Variants in KCNAB1 observed in about 807,000 individuals in gnomAD.
KCNAB1 encodes the protein potassium voltage-gated channel subfamily A regulatory beta subunit 1, also known as voltage-gated potassium channel subunit beta-1.
A neutral mutation model predicts 64.6 loss-of-function variants in KCNAB1; 35 were observed. The observed-to-expected ratio is 0.54, with a 90% CI of 0.41 to 0.72. KCNAB1 has a LOEUF of 0.72. Among genes scored for constraint, KCNAB1 ranks in the 30% least tolerant of loss-of-function variants. The pLI is 0.00. For synonymous variants in KCNAB1, 177 were observed against 183.8 expected, an observed-to-expected ratio of 0.96 and a Z score of 0.30; for missense variants, 401 against 512.9, an observed-to-expected ratio of 0.78 and a Z score of 2.11.
rs189711832 is a variant in KCNAB1 at position 156,536,362 on chromosome 3, A to T, written c.1171-296A>T. Reference sequence around the variant, plus strand: ...TTTCACTGTTCTTTTTAAGGTATCTAATAGAAAATTTTAAATTACAAATGT... The same window carrying T: ...TTTCACTGTTCTTTTTAAGGTATCTTATAGAAAATTTTAAATTACAAATGT... On this transcript the variant is annotated intron_variant, in intron 13 of 13. Coordinates refer to ENST00000490337, the MANE Select transcript of KCNAB1 (RefSeq NM_172160.3). Among the ~76,000 whole-genome samples, 1,251 of 152,364 alleles carry T rather than the reference A, an allele frequency of 8.2e-3. 19 individuals are homozygous for T. The highest frequency in any genetic ancestry group is 0.029 in the African/African-American group (1,212 of 41,588).
rs557108995 is a variant in KCNAB1, at chr3:156,140,269, T to C, written c.275+19383T>C. On this transcript the variant is annotated intron_variant, in intron 1 of 13. Coordinates refer to ENST00000490337, the MANE Select transcript of KCNAB1 (RefSeq NM_172160.3). ...ACAAGTGATAAGGTTTTTCTGTTTATGGTGGTAGTAAGATAATGTTTTCTG... is the reference window on the plus strand; with the variant it reads ...ACAAGTGATAAGGTTTTTCTGTTTACGGTGGTAGTAAGATAATGTTTTCTG... Among the ~76,000 whole-genome samples the C allele has an allele frequency of 8.5e-5, 13 of 152,318 alleles. No individual in the cohort carries two copies. In the South Asian group the frequency reaches 2.7e-3, roughly 32 times the overall value.
At chr3:156,208,242 T>C (rs1714786660) in intron 1 of KCNAB1, among the ~76,000 whole-genome samples, 1 of 152,146 alleles carries the variant, frequency 6.6e-6, no homozygotes, top group South Asian at 2.1e-4. Flanking sequence ...TTGCCGCTGC[T>C]CCTACTTGAT....
At chr3:156,124,792 A>T (rs930801104) in intron 1 of KCNAB1, among the ~76,000 whole-genome samples, 6 of 152,006 alleles carry the variant, frequency 3.9e-5, no homozygotes, top group African/African-American at 9.7e-5. Flanking sequence ...TATTTAATGA[A>T]CTTTTCCGGG....
chr3:156,298,539 G>A (rs1720943873), intron 1 of KCNAB1, among the ~76,000 whole-genome samples: 1 of 152,078 alleles, frequency 6.6e-6, no homozygotes, highest in South Asian at 2.1e-4. Flanking sequence ...CATTCAAAAG[G>A]AAAATCAGAT....
In KCNAB1 at chr3:156,410,209, T is replaced by A. The variant is rs1414776893; in HGVS notation, c.276-11407T>A. Among the ~76,000 whole-genome samples the A allele has an allele frequency of 3.3e-5, 5 of 152,226 alleles. No homozygotes were observed. In the East Asian group the frequency reaches 9.6e-4, roughly 29 times the overall value. The stretch of plus-strand genomic sequence containing the variant: ...TTCAAGGCTTCCTTACTGCATTTTT[T>A]ATTTGTCAACCCTAGTATTCAACTC... On this transcript the variant is annotated intron_variant, in intron 1 of 13. Coordinates refer to ENST00000490337, the MANE Select transcript of KCNAB1 (RefSeq NM_172160.3).
At chr3:156,282,839 T>C (rs1367523960) in intron 1 of KCNAB1, among the ~76,000 whole-genome samples, 2 of 150,012 alleles carry the variant, frequency 1.3e-5, no homozygotes, top group African/African-American at 2.5e-5. Flanking sequence ...CTCCATCCTT[T>C]TATTTTGAGC....
At chr3:156,224,015 G>A (rs973499343) in intron 1 of KCNAB1, among the ~76,000 whole-genome samples, 1 of 152,212 alleles carries the variant, frequency 6.6e-6, no homozygotes, top group East Asian at 1.9e-4. Flanking sequence ...CAGTTGGTTG[G>A]GGGGGATGTG....
At chr3:156,231,016 TG>T (rs1716487549) in intron 1 of KCNAB1, among the ~76,000 whole-genome samples, 1 of 152,168 alleles carries the variant, frequency 6.6e-6, no homozygotes, top group African/African-American at 2.4e-5. Context: ...ACTTCTGTGT[TG>T]ATGATTTGGG....
At chr3:156,461,319 G>A (rs1273951771) in intron 5 of KCNAB1, among the ~76,000 whole-genome samples, 4 of 152,214 alleles carry the variant, frequency 2.6e-5, no homozygotes, top group Non-Finnish European at 4.4e-5. Context: ...TCTGGGTAAA[G>A]TTCTTCCTTG....
In KCNAB1 at chr3:156,208,308, C is replaced by T. The variant is rs562019593; in HGVS notation, c.275+87422C>T. On this transcript the variant is annotated intron_variant, in intron 1 of 13. Transcript: ENST00000490337. Reference sequence around the variant, plus strand: ...TTTCTAACTTCTCTCCCAATGTCTACCCTTCTTTTTGATGCTCCTCCTTTT... The same window carrying T: ...TTTCTAACTTCTCTCCCAATGTCTATCCTTCTTTTTGATGCTCCTCCTTTT... Among the ~76,000 whole-genome samples the T allele has an allele frequency of 2.3e-3, 356 of 152,248 alleles. 2 individuals are homozygous for T. The highest frequency in any genetic ancestry group is 7.8e-3 in the African/African-American group (326 of 41,546).
At chr3:156,520,317 A>T (rs1036301805) in intron 11 of KCNAB1, among the ~76,000 whole-genome samples, 1 of 152,236 alleles carries the variant, frequency 6.6e-6, no homozygotes, top group Non-Finnish European at 1.5e-5. Context: ...GTGGTGGCTC[A>T]TATCTGTAAT....
chr3:156,137,290 A>G (rs1714409425), intron 1 of KCNAB1, among the ~76,000 whole-genome samples: 1 of 152,228 alleles, frequency 6.6e-6, no homozygotes, highest in South Asian at 2.1e-4. Context: ...GATAAGGAAA[A>G]GGAATCAGGT....
chr3:156,132,738 A>G (rs80270694), intron 1 of KCNAB1, among the ~76,000 whole-genome samples: 1,916 of 152,320 alleles, frequency 0.013, 43 homozygotes, highest in African/African-American at 0.043. Context: ...GTTCATTTAA[A>G]CAGTGTAATC....
At chr3:156,181,016 C>G (rs1712775751) in intron 1 of KCNAB1, among the ~76,000 whole-genome samples, 1 of 152,182 alleles carries the variant, frequency 6.6e-6, no homozygotes, top group Non-Finnish European at 1.5e-5. Flanking sequence ...TTACAGAGAG[C>G]TGCCTTCTGG....
chr3:156,494,795 A>G (rs1434048427), intron 8 of KCNAB1, among the ~76,000 whole-genome samples: 2 of 152,112 alleles, frequency 1.3e-5, no homozygotes, highest in African/African-American at 4.8e-5. Flanking sequence ...CTTCAATGTA[A>G]CCTGTTATGT....
chr3:156,534,310 C>T (rs369689158), intron 13 of KCNAB1, among the ~76,000 whole-genome samples: 10 of 152,120 alleles, frequency 6.6e-5, no homozygotes, highest in Non-Finnish European at 1.3e-4. Context: ...TGTGCAGGAA[C>T]GAAGGGGCGT....
chr3:156,215,212 A>G (rs1715240758), intron 1 of KCNAB1, among the ~76,000 whole-genome samples: 1 of 152,196 alleles, frequency 6.6e-6, no homozygotes, highest in Non-Finnish European at 1.5e-5. Context: ...AACTTGCAGA[A>G]TGTATTCAGA....
chr3:156,148,958 G>A (rs541150786), intron 1 of KCNAB1, among the ~76,000 whole-genome samples: 1 of 152,092 alleles, frequency 6.6e-6, no homozygotes, highest in Non-Finnish European at 1.5e-5. Flanking sequence ...TTGGCCTCAG[G>A]AAGTGTGGGA....
chr3:156,146,137 G>T (rs1453855626), intron 1 of KCNAB1, among the ~76,000 whole-genome samples: 1 of 152,094 alleles, frequency 6.6e-6, no homozygotes, highest in African/African-American at 2.4e-5. Context: ...TCTAACTAAG[G>T]TTGACCAGGA....
Sources: allele counts gnomAD v4.1 joint callset (sites outside exome capture counted in the v4.1 genomes callset), GRCh38; gene constraint gnomAD v4.1.1; transcripts MANE v1.5; gene names NCBI Gene and HGNC (gene_info 2026-07-23, HGNC 2026-07-21).